FLRT1: variants seen among roughly 807,000 people sequenced by gnomAD.
The protein encoded by FLRT1 is fibronectin leucine rich transmembrane protein 1, also known as leucine-rich repeat transmembrane protein FLRT1.
In FLRT1, 14 loss-of-function variants were observed where a neutral mutation model predicts 30.9. That is an observed-to-expected ratio of 0.45 (90% CI 0.30 to 0.71). The LOEUF is 0.71. Among genes scored for constraint, FLRT1 ranks in the 30% least tolerant of loss-of-function variants. The probability of loss-of-function intolerance (pLI) is 0.08; values close to 1 mark genes in which losing one functional copy is unlikely to be tolerated. For missense variants in FLRT1, 737 were observed against 949.2 expected (o/e 0.78, Z 2.94); for synonymous variants, 368 against 430.4 (o/e 0.85, Z 1.80).
chr11:64,116,300 C>T lies in FLRT1; in HGVS notation c.33C>T (p.Thr11=). 6.2e-7 allele frequency: 1 copy of T among 1,605,356 alleles called. No individual in the cohort carries two copies. The highest frequency in any genetic ancestry group is 8.5e-7 in the Non-Finnish European group (1 of 1,177,852). The change falls in exon 3 of 3, where the codon ACC becomes ACT. Residue 11 remains threonine (T), a synonymous_variant. Coordinates refer to ENST00000682287, the MANE Select transcript of FLRT1 (RefSeq NM_013280.5). ...TGGCACACCCCACCGCCACTGCCACCACCACGCCCACTGCCACTGTCACGG... is the reference window on the plus strand; with the variant it reads ...TGGCACACCCCACCGCCACTGCCACTACCACGCCCACTGCCACTGTCACGG... The part of the protein sequence containing the change: MVVAHPTATA[T]TTPTATVTAT...
chr11:64,064,243 G>A lies in FLRT1; in HGVS notation c.-1038+28084G>A, dbSNP rs1013161957. On this transcript the variant is annotated intron_variant, in intron 1 of 2. Transcript: ENST00000682287. This position sits in a 1 kb window ranked among gnomAD's most constrained non-coding sequence, Gnocchi z 4.5. The stretch of plus-strand genomic sequence containing the variant: ...AAAAATCCCAAACTGCACAGCCTAG[G>A]GTTGGGGACAAAAAGCAACCAAGCC... 3.9e-5 allele frequency among the ~76,000 whole-genome samples: 6 copies of A among 152,202 alleles called. No homozygotes were observed. Among genetic ancestry groups the A allele is most frequent in the African/African-American group, 7.2e-5 (3 of 41,458 alleles).
intron 1 of FLRT1, among the ~76,000 whole-genome samples, chr11:64,084,446 C>T (rs1025976939): frequency 3.3e-5 from 5 of 152,212 alleles, no homozygotes; most frequent in African/African-American, 1.2e-4. Context: ...TGTGGGCAGG[C>T]GCTGTGGAGG....
intron 1 of FLRT1, among the ~76,000 whole-genome samples, chr11:64,038,310 G>C (rs1219605602): frequency 6.6e-6 from 1 of 152,208 alleles, no homozygotes; most frequent in African/African-American, 2.4e-5. Flanking sequence ...CTCTGGGACC[G>C]GCTTCCTTGC....
At position 64,115,040 on chromosome 11, in the gene FLRT1, G is replaced by A. The variant is rs182382140; in HGVS notation, c.-49-1179G>A. On this transcript the variant is annotated intron_variant, in intron 2 of 2. Transcript: ENST00000682287. ...CCTGCTGGCTCAGTGAGCAGGTGCC[G>A]GCTCTGCTCTGCACACCAGGGCTGC... 1.4e-4 allele frequency among the ~76,000 whole-genome samples: 22 copies of A among 152,220 alleles called. No homozygotes were observed. In the East Asian group the frequency reaches 2.9e-3, roughly 20 times the overall value.
At chr11:64,081,857 C>T (rs1033835836) in intron 1 of FLRT1, 8 of 152,120 alleles carry the variant, frequency 5.3e-5, no homozygotes, top group Non-Finnish European at 1.2e-4. Context: ...AGACTGAGGC[C>T]GTGGTTCCAG....
At position 64,082,223 on chromosome 11, in the gene FLRT1, C is replaced by G. The variant is rs554068780; in HGVS notation, c.-1037-20971C>G. Among the ~76,000 whole-genome samples, 3 of 152,242 alleles carry G rather than the reference C, an allele frequency of 2.0e-5. No individual in the cohort carries two copies. In the East Asian group the frequency reaches 5.8e-4, roughly 29 times the overall value. ...AACATCCCTTAAATATTGGTGCTCT[C>G]GGCAGCACTGGGCCCCTGCTTAGCA... On this transcript the variant is annotated intron_variant, in intron 1 of 2. Coordinates refer to ENST00000682287, the MANE Select transcript of FLRT1 (RefSeq NM_013280.5). This position sits in a 1 kb window ranked among gnomAD's most constrained non-coding sequence, Gnocchi z 4.5.
intron 2 of FLRT1, among the ~76,000 whole-genome samples, chr11:64,108,327 A>AAG: frequency 6.6e-6 from 1 of 151,938 alleles, no homozygotes; most frequent in East Asian, 1.9e-4. Context: ...AAAAAAAAAA[A>AAG]AAGACTTGAG....
chr11:64,111,727 G>A lies in FLRT1; in HGVS notation c.-49-4492G>A, dbSNP rs544128819. Among the ~76,000 whole-genome samples, 4 of 152,346 alleles carry A rather than the reference G, an allele frequency of 2.6e-5. No individual in the cohort carries two copies. The East Asian group carries it at 5.8e-4, about 22-fold the overall frequency. On this transcript the variant is annotated intron_variant, in intron 2 of 2. Transcript: ENST00000682287. ...TTTTCCTGATCCTCTGAAGGCTGAT[G>A]TGTCTAGCTCTGCATGCTGTCCTGG...
chr11:64,108,240 G>A (rs1944798394), intron 2 of FLRT1, among the ~76,000 whole-genome samples: 1 of 151,798 alleles, frequency 6.6e-6, no homozygotes. Context: ...CTGAACCCAG[G>A]AGGCAGAGGT....
intron 1 of FLRT1, among the ~76,000 whole-genome samples, chr11:64,070,430 C>T (rs537405938): frequency 1.3e-5 from 2 of 152,236 alleles, no homozygotes; most frequent in Admixed American, 1.3e-4. Context: ...GAGAGGCCTC[C>T]GGGAGGGACT....
chr11:64,074,085 C>G (rs949346363), intron 1 of FLRT1, among the ~76,000 whole-genome samples: 1 of 152,194 alleles, frequency 6.6e-6, no homozygotes, highest in Non-Finnish European at 1.5e-5. Flanking sequence ...GGAATACCCC[C>G]TCCCCATTCT....
In FLRT1 at chr11:64,117,924, CT is replaced by C. The variant is rs1945022004; in HGVS notation, c.1658del (p.Leu553ArgfsTer32). On this transcript the variant is annotated frameshift_variant, in exon 3 of 3. Transcript: ENST00000682287. LOFTEE classifies it high-confidence loss of function. Reference sequence around the variant, plus strand: ...CGCTGGCCCCATGGCGAGCCTGCCCCTGGCGGGCATCATCGGCGGGGCAGTG... The same window carrying C: ...CGCTGGCCCCATGGCGAGCCTGCCCCGGCGGGCATCATCGGCGGGGCAGTG... ...QNAGPMASLP[L>X]AGIIGGAVAL... The C allele has an allele frequency of 6.2e-7, 1 of 1,613,950 alleles. No individual in the cohort carries two copies. The highest frequency in any genetic ancestry group is 1.3e-5 in the African/African-American group (1 of 75,084).
chr11:64,116,211 C>T lies in FLRT1; in HGVS notation c.-49-8C>T. 3 of 1,554,154 alleles carry T rather than the reference C, an allele frequency of 1.9e-6. No individual in the cohort carries two copies. The highest frequency in any genetic ancestry group is 2.6e-6 in the Non-Finnish European group (3 of 1,156,098). ...CCTCTCACTGCCCCTGTCCTGTGCT[C>T]CTTGCAGGTATTCAGGCTCCAGGCC... On this transcript the variant is annotated splice_polypyrimidine_tract_variant and splice_region_variant and intron_variant, in intron 2 of 2. Transcript: ENST00000682287.
chr11:64,045,564 T>C (rs1042771162), intron 1 of FLRT1, among the ~76,000 whole-genome samples: 1 of 151,968 alleles, frequency 6.6e-6, no homozygotes, highest in African/African-American at 2.4e-5. Flanking sequence ...ATTTGGTAGG[T>C]AGGGGGTGAG....
rs2134520426 is a variant in FLRT1, at chr11:64,090,431, G to T, written c.-1037-12763G>T. Among the ~76,000 whole-genome samples the T allele has an allele frequency of 6.6e-6, 1 of 152,308 alleles. No individual in the cohort carries two copies. The highest frequency in any genetic ancestry group is 2.1e-4 in the South Asian group (1 of 4,832). ...TTTCCTCAACTCACCTCCAGCCCGG[G>T]CAGCAGTGGGTCGATAATAATTTAC... On this transcript the variant is annotated intron_variant, in intron 1 of 2. Transcript: ENST00000682287. The surrounding 1 kb of genome is among the most constrained non-coding windows in gnomAD (Gnocchi z 4.7).
At chr11:64,076,189 C>T (rs1195539550) in intron 1 of FLRT1, among the ~76,000 whole-genome samples, 1 of 152,230 alleles carries the variant, frequency 6.6e-6, no homozygotes, top group African/African-American at 2.4e-5. Context: ...CCTTCCCTTG[C>T]TGTGCTCCTG....
chr11:64,114,243 AATGGATGGTTAGGTGG>A (rs1944925622), intron 2 of FLRT1, among the ~76,000 whole-genome samples: 1 of 79,366 alleles, frequency 1.3e-5, no homozygotes, highest in South Asian at 4.8e-4. Context: ...TGCATGGATG[AATGGATGGTTAGGTGG>A]ATGGATGGAT....
At chr11:64,065,290 G>A (rs142989377) in intron 1 of FLRT1, among the ~76,000 whole-genome samples, 113 of 152,270 alleles carry the variant, frequency 7.4e-4, no homozygotes, top group South Asian at 5.0e-3. Context: ...GGCAGGTGGC[G>A]GGCAAGCGTC....
At chr11:64,088,336 A>T (rs1295417762) in intron 1 of FLRT1, among the ~76,000 whole-genome samples, 1 of 152,054 alleles carries the variant, frequency 6.6e-6, no homozygotes, top group Admixed American at 6.5e-5. Context: ...AGGGAGGGGC[A>T]GCATAGACCA....
Sources: gnomAD v4.1 joint callset for allele counts (sites outside exome capture counted in the v4.1 genomes callset) on GRCh38, gnomAD v4.1.1 for gene constraint, Gnocchi (gnomAD v3.1) non-coding constraint, MANE v1.5 for transcripts, NCBI Gene and HGNC (gene_info 2026-07-23, HGNC 2026-07-21) for gene names.